The following PCDH15 variants were observed in gnomAD, a reference collection of about 807,000 sequenced individuals.
The protein encoded by PCDH15 is protocadherin related 15.
A neutral mutation model predicts 178.5 loss-of-function variants in PCDH15; 129 were observed. The observed-to-expected ratio is 0.72, with a 90% CI of 0.63 to 0.84. PCDH15 has a LOEUF of 0.84. Among genes scored for constraint, PCDH15 ranks in the 40% least tolerant of loss-of-function variants. PCDH15 has a pLI of 0.00. For synonymous variants in PCDH15, 800 were observed against 732.0 expected (o/e 1.09, Z -1.50); for missense variants, 2,230 against 2,099.9 (o/e 1.06, Z -1.21).
intron 10 of PCDH15, among the ~76,000 whole-genome samples, chr10:54,198,782 T>C (rs1487240635): frequency 6.6e-6 from 1 of 151,766 alleles, no homozygotes; most frequent in Non-Finnish European, 1.5e-5. Flanking sequence ...ATTACAGGCG[T>C]GAGCCAATAA....
intron 3 of PCDH15, among the ~76,000 whole-genome samples, chr10:54,848,182 C>T (rs1490585159): frequency 6.6e-6 from 1 of 151,954 alleles, no homozygotes; most frequent in Non-Finnish European, 1.5e-5. Context: ...AGTTTGAGAC[C>T]AGCCTGGCCA....
At chr10:54,591,158 A>T (rs979654745) in intron 2 of PCDH15, among the ~76,000 whole-genome samples, 1 of 152,124 alleles carries the variant, frequency 6.6e-6, no homozygotes, top group Non-Finnish European at 1.5e-5. Context: ...ATGCCCTGTT[A>T]TATGTCCATT....
At chr10:54,481,919 G>C (rs2078747230) in intron 3 of PCDH15, among the ~76,000 whole-genome samples, 1 of 151,764 alleles carries the variant, frequency 6.6e-6, no homozygotes, top group East Asian at 1.9e-4. Flanking sequence ...CATATATTCA[G>C]AGCTCCATCA....
intron 2 of PCDH15, among the ~76,000 whole-genome samples, chr10:55,458,304 A>C (rs1839598109): frequency 1.3e-5 from 2 of 152,074 alleles, no homozygotes; most frequent in Admixed American, 6.6e-5. Flanking sequence ...CTTCACTTGC[A>C]GGTTCTGCTG....
intron 2 of PCDH15, among the ~76,000 whole-genome samples, chr10:54,563,180 T>G (rs934402563): frequency 5.3e-5 from 8 of 152,178 alleles, no homozygotes; most frequent in Non-Finnish European, 1.2e-4. Context: ...CCTCTTATGA[T>G]CTATACATTT....
rs139537292 is a variant in PCDH15 at position 54,033,982 on chromosome 10, A to G, written c.2221-10785T>C. 1.3e-3 allele frequency among the ~76,000 whole-genome samples: 201 copies of G among 152,018 alleles called. 1 individual carries two copies. Among genetic ancestry groups the G allele is most frequent in the African/African-American group, 4.7e-3 (196 of 41,520 alleles). The stretch of plus-strand genomic sequence containing the variant: ...CTGTCACAGGGCTTTTCATTATATT[A>G]CATTGTCTCACAAATCATTTTCTTG... On this transcript the variant is annotated intron_variant, in intron 18 of 37. Coordinates refer to ENST00000644397, the MANE Select transcript of PCDH15 (RefSeq NM_001384140.1).
intron 1 of PCDH15, among the ~76,000 whole-genome samples, chr10:55,228,160 G>A (rs1470327216): frequency 6.6e-6 from 1 of 152,020 alleles, no homozygotes; most frequent in Non-Finnish European, 1.5e-5. Flanking sequence ...ATGCTGAGGT[G>A]GGTGAAACAT....
chr10:55,168,120 A>T (rs1839241915), intron 1 of PCDH15, among the ~76,000 whole-genome samples: 1 of 152,164 alleles, frequency 6.6e-6, no homozygotes, highest in African/African-American at 2.4e-5. Flanking sequence ...GCACTTTTTC[A>T]CAATAAAATT....
chr10:54,960,922 T>A (rs1000958629), intron 2 of PCDH15, among the ~76,000 whole-genome samples: 1 of 152,142 alleles, frequency 6.6e-6, no homozygotes, highest in African/African-American at 2.4e-5. Context: ...CTATAACACA[T>A]AGGCACACAA....
At chr10:55,121,492 T>C (rs1837770920) in intron 2 of PCDH15, among the ~76,000 whole-genome samples, 1 of 152,140 alleles carries the variant, frequency 6.6e-6, no homozygotes, top group Admixed American at 6.6e-5. Context: ...TGGGATGGAA[T>C]GAATGTATTT....
intron 25 of PCDH15, among the ~76,000 whole-genome samples, chr10:53,913,845 A>C (rs192399082): frequency 6.6e-6 from 1 of 152,322 alleles, no homozygotes; most frequent in East Asian, 1.9e-4. Flanking sequence ...AATGGGAGAA[A>C]ATTTTTGCAA....
chr10:55,486,814 G>C (rs1381740260), intron 2 of PCDH15, among the ~76,000 whole-genome samples: 1 of 151,394 alleles, frequency 6.6e-6, no homozygotes, highest in Non-Finnish European at 1.5e-5. Flanking sequence ...GCTTGTTGGA[G>C]CTTACAGTCT....
intron 13 of PCDH15, among the ~76,000 whole-genome samples, chr10:54,178,828 C>A (rs2047695096): frequency 6.6e-6 from 1 of 152,130 alleles, no homozygotes; most frequent in African/African-American, 2.4e-5. Flanking sequence ...TGCTCATCAT[C>A]ACTGGCCATC....
chr10:54,418,629 CTTT>C (rs527723030), intron 3 of PCDH15, among the ~76,000 whole-genome samples: 4 of 151,660 alleles, frequency 2.6e-5, no homozygotes, highest in African/African-American at 4.8e-5. Context: ...CATTTTGTAA[CTTT>C]TTTATTATAT....
At chr10:55,559,915 A>G (rs539084914) in intron 2 of PCDH15, among the ~76,000 whole-genome samples, 25 of 152,078 alleles carry the variant, frequency 1.6e-4, no homozygotes, top group African/African-American at 6.0e-4. Context: ...GTACTTTCCA[A>G]TGATCACTAA....
chr10:54,882,380 T>C (rs914399542), intron 3 of PCDH15, among the ~76,000 whole-genome samples: 5 of 152,014 alleles, frequency 3.3e-5, no homozygotes, highest in Non-Finnish European at 5.9e-5. Context: ...AGTCGGAAAA[T>C]GTCTACTTCC....
At chr10:54,515,543 AC>A (rs2082124639) in intron 3 of PCDH15, among the ~76,000 whole-genome samples, 1 of 152,228 alleles carries the variant, frequency 6.6e-6, no homozygotes, top group African/African-American at 2.4e-5. Context: ...TGTAGGCTCC[AC>A]CTCTGGGGGC....
intron 1 of PCDH15, among the ~76,000 whole-genome samples, chr10:55,316,458 T>C (rs1843724262): frequency 1.3e-5 from 2 of 152,186 alleles, no homozygotes; most frequent in South Asian, 2.1e-4. Context: ...TGTGAAAAAG[T>C]ATATTGAATT....
chr10:54,536,072 T>G (rs2084483831), intron 2 of PCDH15, among the ~76,000 whole-genome samples: 3 of 152,302 alleles, frequency 2.0e-5, no homozygotes, highest in East Asian at 3.9e-4. Flanking sequence ...GAACAATTCT[T>G]GGTCCAAGGT....
Sources: gnomAD v4.1 joint callset for allele counts (sites outside exome capture counted in the v4.1 genomes callset) on GRCh38, gnomAD v4.1.1 for gene constraint, MANE v1.5 for transcripts, NCBI Gene and HGNC (gene_info 2026-07-23, HGNC 2026-07-21) for gene names.